COL15A1: variants seen among roughly 807,000 people sequenced by gnomAD.
COL15A1 encodes the protein collagen type XV alpha 1 chain, also known as collagen alpha-1(XV) chain.
A neutral mutation model predicts 165.9 loss-of-function variants in COL15A1; 111 were observed. That is an observed-to-expected ratio of 0.67 (90% CI 0.57 to 0.78). COL15A1 has a LOEUF of 0.78. Among genes scored for constraint, COL15A1 ranks in the 30% least tolerant of loss-of-function variants. COL15A1 has a pLI of 0.00. For synonymous variants in COL15A1, 659 were observed against 674.8 expected, an observed-to-expected ratio of 0.98 and a Z score of 0.36; for missense variants, 1,745 against 1,789.7, an observed-to-expected ratio of 0.98 and a Z score of 0.45.
chr9:99,017,709 C>G (rs1285991530), intron 11 of COL15A1, among the ~76,000 whole-genome samples: 10 of 152,062 alleles, frequency 6.6e-5, no homozygotes, highest in Admixed American at 5.9e-4. Context: ...ACAATGTCCC[C>G]CTGCTCTTCT....
chr9:99,030,476 C>T (rs149039061), intron 16 of COL15A1, among the ~76,000 whole-genome samples: 47 of 152,268 alleles, frequency 3.1e-4, no homozygotes, highest in Non-Finnish European at 5.3e-4. Context: ...CTTCTACCCA[C>T]AAGTTAATCT....
Position 99,023,390 on chromosome 9 carries a change from T to C in COL15A1, c.1795T>C (p.Trp599Arg). Residue 599 changes from tryptophan (W) to arginine (R), a missense_variant, in exon 14 of 42, where the codon TGG becomes CGG. Transcript: ENST00000375001. ...AGAAGCAGAGGGCTCTGGCCTAGGCTGGGGCTCGGACGTCGGCTCTGGCTC... is the reference window on the plus strand; with the variant it reads ...AGAAGCAGAGGGCTCTGGCCTAGGCCGGGGCTCGGACGTCGGCTCTGGCTC... ...GAEAEGSGLG[W>R]GSDVGSGSGD... is the part of the protein sequence containing the mutation. 6.2e-7 allele frequency: 1 copy of C among 1,611,508 alleles called. No individual in the cohort carries two copies. The highest frequency in any genetic ancestry group is 1.1e-5 in the South Asian group (1 of 90,744).
intron 15 of COL15A1, 29 bp downstream of exon 15, chr9:99,025,028 C>G (rs746205958): frequency 6.2e-7 from 1 of 1,606,770 alleles, no homozygotes; most frequent in Non-Finnish European, 8.5e-7. Context: ...CTCCCCATCT[C>G]TGTGGCTGTG....
chr9:98,953,515 A>G (rs1837724948), intron 2 of COL15A1, among the ~76,000 whole-genome samples: 1 of 152,098 alleles, frequency 6.6e-6, no homozygotes, highest in Admixed American at 6.5e-5. Context: ...AACCCAATCC[A>G]ACCCAACCCA....
At chr9:98,984,870 C>G (rs762237166) in intron 2 of COL15A1, among the ~76,000 whole-genome samples, 16 of 152,228 alleles carry the variant, frequency 1.1e-4, no homozygotes, top group Non-Finnish European at 2.2e-4. Flanking sequence ...CAGCTCACTG[C>G]AACCACCACC....
chr9:99,016,562 C>T (rs975783727), intron 11 of COL15A1, among the ~76,000 whole-genome samples: 2 of 152,192 alleles, frequency 1.3e-5, no homozygotes, highest in Non-Finnish European at 2.9e-5. Context: ...TTTGGCCCTC[C>T]GTTTCCTCAT....
At chr9:99,062,421 G>A in intron 38 of COL15A1, 117 bp downstream of exon 38, 1 of 784,300 alleles carries the variant, frequency 1.3e-6, no homozygotes, top group South Asian at 1.5e-5. Flanking sequence ...GCACGGTTTA[G>A]TATCTGGTGA....
At chr9:98,970,823 C>T (rs891224431) in intron 2 of COL15A1, among the ~76,000 whole-genome samples, 2 of 151,590 alleles carry the variant, frequency 1.3e-5, no homozygotes, top group African/African-American at 2.4e-5. Flanking sequence ...AGGGTGAGTG[C>T]GGGTGGAGGT....
intron 16 of COL15A1, 56 bp downstream of exon 16, chr9:99,026,022 C>T (rs1282561827): frequency 7.3e-6 from 11 of 1,508,866 alleles, no homozygotes; most frequent in African/African-American, 1.4e-5. Context: ...CCACACTACT[C>T]TCTCTGACCC....
At chr9:98,981,861 G>A (rs1402206818) in intron 2 of COL15A1, among the ~76,000 whole-genome samples, 2 of 152,160 alleles carry the variant, frequency 1.3e-5, no homozygotes, top group African/African-American at 2.4e-5. Context: ...CTGGAGTGCA[G>A]TGGGGTGATC....
intron 5 of COL15A1, among the ~76,000 whole-genome samples, chr9:98,993,875 C>G (rs919877008): frequency 5.3e-5 from 8 of 152,180 alleles, no homozygotes; most frequent in African/African-American, 1.9e-4. Context: ...CCATCCTCAG[C>G]CTTTCCAGCC....
chr9:98,958,812 A>C (rs1260376901), intron 2 of COL15A1, among the ~76,000 whole-genome samples: 2 of 152,116 alleles, frequency 1.3e-5, no homozygotes, highest in African/African-American at 4.8e-5. Context: ...TGGTCACAGG[A>C]GCTTTGCCAA....
chr9:99,032,491 G>A (rs973774163), intron 16 of COL15A1, among the ~76,000 whole-genome samples: 1 of 152,156 alleles, frequency 6.6e-6, no homozygotes, highest in Admixed American at 6.5e-5. Context: ...CATGGCCAAT[G>A]TGAATTATTT....
At position 99,070,206 on chromosome 9, in the gene COL15A1, G is replaced by C; in HGVS notation, c.*320G>C. The C allele has an allele frequency of 3.6e-6, 1 of 280,500 alleles. No homozygotes were observed. Among genetic ancestry groups the C allele is most frequent in the Non-Finnish European group, 6.8e-6 (1 of 147,246 alleles). The allele number at this position is 280,500 out of a possible 1,614,324, so 17.4% of individuals were successfully genotyped here. On this transcript the variant is annotated 3_prime_UTR_variant, in exon 42 of 42. Coordinates refer to ENST00000375001, the MANE Select transcript of COL15A1 (RefSeq NM_001855.5). ...ATTCTGCCACTGCATCCTTCAGACA[G>C]TTATATCCTCCTTTTAAACCATTGT...
intron 2 of COL15A1, among the ~76,000 whole-genome samples, chr9:98,979,442 A>G (rs1364032900): frequency 6.6e-6 from 1 of 152,214 alleles, no homozygotes; most frequent in Non-Finnish European, 1.5e-5. Context: ...TCATTCTATC[A>G]TTATGAATGA....
chr9:99,014,504 G>T (rs1838897370), intron 9 of COL15A1, among the ~76,000 whole-genome samples: 1 of 152,204 alleles, frequency 6.6e-6, no homozygotes, highest in South Asian at 2.1e-4. Context: ...TCAGCAAATT[G>T]TCCTATTGGT....
intron 36 of COL15A1, among the ~76,000 whole-genome samples, chr9:99,060,249 TATA>T (rs200863311): frequency 0.026 from 3,304 of 127,270 alleles, 97 homozygotes; most frequent in East Asian, 0.1. Flanking sequence ...TATATATATA[TATA>T]TATATTTTTT....
Position 99,069,384 on chromosome 9 carries a change from G to A in COL15A1, c.3954-289G>A, listed in dbSNP as rs542469837. Among the ~76,000 whole-genome samples the A allele has an allele frequency of 9.2e-5, 14 of 152,262 alleles. No individual in the cohort carries two copies. The South Asian group carries it at 2.9e-3, about 32-fold the overall frequency. The stretch of plus-strand genomic sequence containing the variant: ...TTATTGGCCTTTGAAAGATGAGAAG[G>A]AGTCACTGGTCTGAAAATGAAAGAG... On this transcript the variant is annotated intron_variant, in intron 41 of 41. Coordinates refer to ENST00000375001, the MANE Select transcript of COL15A1 (RefSeq NM_001855.5).
Position 99,042,101 on chromosome 9 carries a change from A to T in COL15A1, c.2568A>T (p.Gly856=). 1.9e-6 allele frequency: 3 copies of T among 1,611,264 alleles called. No homozygotes were observed. The highest frequency in any genetic ancestry group is 1.3e-5 in the African/African-American group (1 of 75,018). The change falls in exon 24 of 42, where the codon GGA becomes GGT. Residue 856 remains glycine, a synonymous_variant. Transcript: ENST00000375001. ...TACCTGGCTTTCCAGGACTAAAAGG[A>T]GAACAGGTAAGAGGGGCCCAGGTAT... is the stretch of plus-strand genomic sequence containing the variant. ...TGLPGFPGLK[G]EQGEKGEPGA... is the part of the protein sequence containing the mutation.
Sources: allele counts gnomAD v4.1 joint callset (sites outside exome capture counted in the v4.1 genomes callset), GRCh38; gene constraint gnomAD v4.1.1; transcripts MANE v1.5; gene names NCBI Gene and HGNC (gene_info 2026-07-23, HGNC 2026-07-21).